The following ATP8A2 variants were observed in gnomAD, a reference collection of about 807,000 sequenced individuals.
ATP8A2 encodes phospholipid-transporting ATPase IB.
ATP8A2 carries 100 observed loss-of-function variants against 165.6 expected under a neutral mutation model. That is an observed-to-expected ratio of 0.60 (90% CI 0.51 to 0.71). The LOEUF (loss-of-function observed/expected upper bound fraction) is 0.71. Among genes scored for constraint, ATP8A2 ranks in the 30% least tolerant of loss-of-function variants. The pLI is 0.00. For synonymous variants in ATP8A2, 543 were observed against 548.8 expected, an observed-to-expected ratio of 0.99 and a Z score of 0.15; for missense variants, 1,227 against 1,479.5, an observed-to-expected ratio of 0.83 and a Z score of 2.80.
At chr13:25,854,475 A>G (rs1952098296) in intron 30 of ATP8A2, among the ~76,000 whole-genome samples, 1 of 152,168 alleles carries the variant, frequency 6.6e-6, no homozygotes, top group South Asian at 2.1e-4. Context: ...GGCATGCACC[A>G]GCATACCTGG....
rs963660951 is a variant in ATP8A2, at chr13:25,933,805, T to G, written c.3184-27770T>G. On this transcript the variant is annotated intron_variant, in intron 33 of 36. Transcript: ENST00000381655. Reference sequence around the variant, plus strand: ...GTACATTTCAAGTGACAAGGACTCTTGCAGTGAGCTTGGCTGCAGCTAATT... The same window carrying G: ...GTACATTTCAAGTGACAAGGACTCTGGCAGTGAGCTTGGCTGCAGCTAATT... 6.6e-5 allele frequency among the ~76,000 whole-genome samples: 10 copies of G among 152,232 alleles called. No individual in the cohort carries two copies. The South Asian group carries it at 1.0e-3, about 16-fold the overall frequency.
At chr13:25,668,245 A>G (rs1593167524) in intron 24 of ATP8A2, among the ~76,000 whole-genome samples, 1 of 152,036 alleles carries the variant, frequency 6.6e-6, no homozygotes, top group East Asian at 1.9e-4. Flanking sequence ...TAGCTACTGT[A>G]TATCTGGGAA....
intron 2 of ATP8A2, among the ~76,000 whole-genome samples, chr13:25,469,912 G>A (rs549234713): frequency 6.6e-6 from 1 of 152,256 alleles, no homozygotes; most frequent in East Asian, 1.9e-4. Context: ...TAAACTTTCA[G>A]GCTTAAACAA....
intron 24 of ATP8A2, among the ~76,000 whole-genome samples, chr13:25,644,302 T>C (rs761029859): frequency 1.3e-4 from 20 of 152,180 alleles, no homozygotes; most frequent in Non-Finnish European, 1.8e-4. Flanking sequence ...CAGATGCTTT[T>C]CCTACGTCTA....
At chr13:25,821,657 C>G (rs535897525) in intron 27 of ATP8A2, among the ~76,000 whole-genome samples, 1 of 152,064 alleles carries the variant, frequency 6.6e-6, no homozygotes, top group Non-Finnish European at 1.5e-5. Flanking sequence ...TCGGGTTGAC[C>G]AAATAAACTT....
intron 11 of ATP8A2, among the ~76,000 whole-genome samples, chr13:25,552,612 G>C (rs1286408943): frequency 6.6e-6 from 1 of 151,974 alleles, no homozygotes; most frequent in Non-Finnish European, 1.5e-5. Context: ...AACTTCTTTA[G>C]TATTTCTTGT....
At chr13:25,920,402 A>AAC (rs140788252) in intron 33 of ATP8A2, among the ~76,000 whole-genome samples, 52 of 151,698 alleles carry the variant, frequency 3.4e-4, no homozygotes, top group Middle Eastern at 3.4e-3. Flanking sequence ...ACACATTATT[A>AAC]ACACACACAC....
intron 33 of ATP8A2, among the ~76,000 whole-genome samples, chr13:25,899,170 T>A (rs1475953851): frequency 6.6e-6 from 1 of 152,210 alleles, no homozygotes; most frequent in Non-Finnish European, 1.5e-5. Context: ...CCATGTTGGC[T>A]CCACCCCAAG....
chr13:25,460,320 G>A (rs976584922), intron 1 of ATP8A2, among the ~76,000 whole-genome samples: 12 of 152,204 alleles, frequency 7.9e-5, no homozygotes, highest in Non-Finnish European at 2.9e-5. Context: ...CATGCATATC[G>A]AATCAGCAAT....
chr13:25,542,345 A>T (rs576502909), intron 9 of ATP8A2, among the ~76,000 whole-genome samples: 1 of 151,904 alleles, frequency 6.6e-6, no homozygotes, highest in Non-Finnish European at 1.5e-5. Context: ...TGAGGTGTAT[A>T]CAAGCTAATA....
chr13:25,473,005 A>G (rs7984062), intron 2 of ATP8A2, among the ~76,000 whole-genome samples: 47,971 of 152,034 alleles, frequency 0.32, 8,570 homozygotes, highest in African/African-American at 0.5. Context: ...AATTCTATGG[A>G]TCAAGTTTAC....
At chr13:25,637,572 C>G (rs1008268071) in intron 24 of ATP8A2, among the ~76,000 whole-genome samples, 5 of 152,268 alleles carry the variant, frequency 3.3e-5, no homozygotes, top group Admixed American at 3.3e-4. Context: ...GGGCGCCTGC[C>G]ATTGACGAGG....
chr13:25,837,626 A>G (rs530544021), intron 29 of ATP8A2, among the ~76,000 whole-genome samples: 1 of 152,218 alleles, frequency 6.6e-6, no homozygotes, highest in East Asian at 1.9e-4. Flanking sequence ...CAGGTTCAGG[A>G]TCCGCTGTCA....
At chr13:25,546,198 G>T (rs528330389) in intron 10 of ATP8A2, among the ~76,000 whole-genome samples, 1 of 152,140 alleles carries the variant, frequency 6.6e-6, no homozygotes, top group Non-Finnish European at 1.5e-5. Context: ...CTTCTCTTCA[G>T]TGAGTAAGGC....
chr13:25,551,283 C>G, intron 10 of ATP8A2, 55 bp from the exon 11 acceptor site: 2 of 1,533,686 alleles, frequency 1.3e-6, no homozygotes, highest in Non-Finnish European at 1.8e-6. Flanking sequence ...TTCCCCCAAC[C>G]CCTTGCCCCA....
intron 25 of ATP8A2, among the ~76,000 whole-genome samples, chr13:25,760,232 C>G (rs1411481722): frequency 6.6e-6 from 1 of 152,126 alleles, no homozygotes; most frequent in Non-Finnish European, 1.5e-5. Flanking sequence ...CCTGTAACTC[C>G]TGTTTCAAAG....
chr13:25,497,002 T>A (rs1293451397), intron 2 of ATP8A2, among the ~76,000 whole-genome samples: 1 of 152,168 alleles, frequency 6.6e-6, no homozygotes, highest in Non-Finnish European at 1.5e-5. Flanking sequence ...ATCGTGCTAA[T>A]GAGACCAAGG....
intron 27 of ATP8A2, among the ~76,000 whole-genome samples, chr13:25,790,325 G>A (rs2045135114): frequency 6.6e-6 from 1 of 151,946 alleles, no homozygotes; most frequent in African/African-American, 2.4e-5. Flanking sequence ...AAACTATATA[G>A]GTCCAAAGGT....
intron 25 of ATP8A2, among the ~76,000 whole-genome samples, chr13:25,755,100 ATGTT>A (rs2044233000): frequency 6.6e-6 from 1 of 152,176 alleles, no homozygotes; most frequent in African/African-American, 2.4e-5. Context: ...TGAGGAGACA[ATGTT>A]TGTGACAGTT....
Sources: gnomAD v4.1 joint callset for allele counts (sites outside exome capture counted in the v4.1 genomes callset) on GRCh38, gnomAD v4.1.1 for gene constraint, MANE v1.5 for transcripts, NCBI Gene and HGNC (gene_info 2026-07-23, HGNC 2026-07-21) for gene names.